HOXB4: variants seen among roughly 807,000 people sequenced by gnomAD.
The protein encoded by HOXB4 is homeobox protein Hox-B4.
In HOXB4, 13 loss-of-function variants were observed where a neutral mutation model predicts 20.0. The ratio of observed to expected loss-of-function variants is 0.65; its 90% CI spans 0.42 to 1.03. The LOEUF is 1.03. Ranked by LOEUF, HOXB4 falls within the 50% of genes least tolerant of loss-of-function variation. The probability of loss-of-function intolerance (pLI) is 0.00; values close to 1 mark genes in which losing one functional copy is unlikely to be tolerated. For synonymous variants in HOXB4, 173 were observed against 148.9 expected, an observed-to-expected ratio of 1.16 and a Z score of -1.18; for missense variants, 343 against 357.1, an observed-to-expected ratio of 0.96 and a Z score of 0.32.
Position 48,576,989 on chromosome 17 carries a change from C to A in HOXB4, c.489G>T (p.Lys163Asn). Residue 163 changes from lysine to asparagine, a missense_variant, in exon 2 of 2, where the codon AAG (lysine) becomes AAT (asparagine). By Grantham distance (94) the Lys-to-Asn change is moderately conservative. This residue lies in a region of HOXB4 where 54 missense variants were observed against 90.3 expected (regional missense o/e 0.60). Transcript: ENST00000332503. The part of the protein sequence containing the change: ...VNPNYAGGEP[K>N]RSRTAYTRQQ... ...GGCGCGTGTAGGCGGTCCGAGAGCGCTTGGGCTCCCCGCCGGCGTAATTGG... is the reference window on the plus strand; with the variant it reads ...GGCGCGTGTAGGCGGTCCGAGAGCGATTGGGCTCCCCGCCGGCGTAATTGG... The A allele has an allele frequency of 6.2e-7, 1 of 1,608,020 alleles. No homozygotes were observed. The highest frequency in any genetic ancestry group is 1.1e-5 in the South Asian group (1 of 90,936).
At position 48,578,123 on chromosome 17, in the gene HOXB4, G is replaced by A; in HGVS notation, c.197C>T (p.Ala66Val). 7.0e-7 allele frequency: 1 copy of A among 1,429,102 alleles called. No homozygotes were observed. Among genetic ancestry groups the A allele is most frequent in the Non-Finnish European group, 9.3e-7 (1 of 1,075,248 alleles). The allele number at this position is 1,429,102 out of a possible 1,614,324, so 88.5% of individuals were successfully genotyped here. The change falls in exon 1 of 2, where the codon GCG becomes GTG. Residue 66 changes from alanine to valine, a missense_variant. Physicochemically the swap from Ala to Val is moderately conservative, Grantham distance 64. Around this residue, in one of 3 missense-constraint regions of HOXB4, gnomAD observed 241 missense variants for 222.0 expected, o/e 1.09. Transcript: ENST00000332503. Reference protein sequence around the residue: ...RRAACTVQRYAACRDPGPPPP... With the variant: ...RRAACTVQRYVACRDPGPPPP... Reference sequence around the variant, plus strand: ...CGGGGGCCCAGGGTCCCGGCAGGCCGCGTAGCGCTGCACGGTGCACGCCGC... The same window carrying A: ...CGGGGGCCCAGGGTCCCGGCAGGCCACGTAGCGCTGCACGGTGCACGCCGC...
chr17:48,577,764 T>C (rs893266527), intron 1 of HOXB4, 99 bp downstream of exon 1: 15 of 1,096,524 alleles, frequency 1.4e-5, no homozygotes, highest in Admixed American at 8.0e-5. Flanking sequence ...CGGGGACAAT[T>C]GGCTTCCCCA....
rs2069750216 is a variant in HOXB4, at chr17:48,576,117, G to A, written c.*605C>T. 1 of 152,702 alleles carries A rather than the reference G, an allele frequency of 6.5e-6. No individual in the cohort carries two copies. The allele number at this position is 152,702 out of a possible 1,614,324, so 9.5% of individuals were successfully genotyped here. A position where few individuals can be genotyped will look rare whatever the true frequency, so the allele number is the denominator to read the frequency against. ...ACGAAAGATGAGGGAGAGTGTGTGT[G>A]TGTTACCGTGACCAAAACACTGCAC... On this transcript the variant is annotated 3_prime_UTR_variant, in exon 2 of 2. Coordinates refer to ENST00000332503, the MANE Select transcript of HOXB4 (RefSeq NM_024015.5).
In HOXB4 at chr17:48,577,872, C is replaced by T; in HGVS notation, c.448G>A (p.Val150Met). ...VVYPWMRKVH[V>M]STVNPNYAGG... ...GTGCCCACGCACTCACCCGTGCTCA[C>T]GTGAACTTTGCGCATCCAGGGGTAG... Residue 150 changes from valine (V) to methionine (M), a missense_variant, in exon 1 of 2, where the codon GTG (valine) becomes ATG (methionine). Val to Met is a conservative substitution (Grantham distance 21). Coordinates refer to ENST00000332503, the MANE Select transcript of HOXB4 (RefSeq NM_024015.5). 2.1e-6 allele frequency: 3 copies of T among 1,398,706 alleles called. No homozygotes were observed. Among genetic ancestry groups the T allele is most frequent in the South Asian group, 1.9e-5 (1 of 52,438 alleles). 86.6% of individuals were successfully genotyped at this position (1,398,706 alleles called of 1,614,324 possible).
chr17:48,576,454 GCTTT>G lies in HOXB4; in HGVS notation c.*264_*267del, dbSNP rs1053733828. The G allele has an allele frequency of 1.1e-5, 4 of 374,974 alleles. No individual in the cohort carries two copies. The highest frequency in any genetic ancestry group is 6.3e-5 in the African/African-American group (3 of 47,912). 23.2% of individuals were successfully genotyped at this position (374,974 alleles called of 1,614,324 possible). On this transcript the variant is annotated 3_prime_UTR_variant, in exon 2 of 2. Transcript: ENST00000332503. Reference sequence around the variant, plus strand: ...GTCTTTTTCTTTCTTCCTTCTTCTTGCTTTTTCTTTTTCTTTTTTTTAAGAAAGA... The same window carrying G: ...GTCTTTTTCTTTCTTCCTTCTTCTTGTTCTTTTTCTTTTTTTTAAGAAAGA...
Position 48,576,650 on chromosome 17 carries a change from T to TAC in HOXB4, c.*71_*72insGT. On this transcript the variant is annotated 3_prime_UTR_variant, in exon 2 of 2. Coordinates refer to ENST00000332503, the MANE Select transcript of HOXB4 (RefSeq NM_024015.5). ...GCCCAGGCCCCAGGGCCCCCTCCTGTCCCCCCACCCCATCCCCTGCACTCA... is the reference window on the plus strand; with the variant it reads ...GCCCAGGCCCCAGGGCCCCCTCCTGTACCCCCCCACCCCATCCCCTGCACTCA... 1 of 567,766 alleles carries TAC rather than the reference T, an allele frequency of 1.8e-6. No individual in the cohort carries two copies. Among genetic ancestry groups the TAC allele is most frequent in the Non-Finnish European group, 2.6e-6 (1 of 383,212 alleles). 35.2% of individuals were successfully genotyped at this position (567,766 alleles called of 1,614,324 possible).
Position 48,578,205 on chromosome 17 carries a change from C to T in HOXB4, c.115G>A (p.Ala39Thr). 1 of 1,613,634 alleles carries T rather than the reference C, an allele frequency of 6.2e-7. No homozygotes were observed. Among genetic ancestry groups the T allele is most frequent in the Non-Finnish European group, 8.5e-7 (1 of 1,179,822 alleles). ...CTGCTCTCTCGCCTCTGGCCGCCGG[C>T]GTAGTACCCGGGCGAGTGGTCGCTG... is the stretch of plus-strand genomic sequence containing the variant. ...LPSDHSPGYY[A>T]GGQRRESSFQ... The change falls in exon 1 of 2, where the codon GCC becomes ACC. Residue 39 changes from alanine (A) to threonine (T), a missense_variant. This residue lies in a region of HOXB4 where 241 missense variants were observed against 222.0 expected (regional missense o/e 1.09). Transcript: ENST00000332503.
At chr17:48,577,070 AAG>A (rs2069789796) in intron 1 of HOXB4, 50 bp from the exon 2 acceptor site, 10 of 1,492,424 alleles carry the variant, frequency 6.7e-6, no homozygotes, top group Non-Finnish European at 9.0e-6. Flanking sequence ...TTGCCCCCGA[AAG>A]AGAGAGTCCT....
Position 48,576,623 on chromosome 17 carries a change from G to C in HOXB4, c.*99C>G. The C allele has an allele frequency of 8.8e-7, 1 of 1,133,036 alleles. No homozygotes were observed. The highest frequency in any genetic ancestry group is 1.2e-6 in the Non-Finnish European group (1 of 826,454). The allele number at this position is 1,133,036 out of a possible 1,614,324, so 70.2% of individuals were successfully genotyped here. ...GGGGGAGGGCAGATAGATTTTTCCG[G>C]GGCCCAGGCCCCAGGGCCCCCTCCT... On this transcript the variant is annotated 3_prime_UTR_variant, in exon 2 of 2. Coordinates refer to ENST00000332503, the MANE Select transcript of HOXB4 (RefSeq NM_024015.5).
Position 48,576,797 on chromosome 17 carries a change from C to A in HOXB4, c.681G>T (p.Lys227Asn). 1 of 1,614,246 alleles carries A rather than the reference C, an allele frequency of 6.2e-7. No homozygotes were observed. Among genetic ancestry groups the A allele is most frequent in the Non-Finnish European group, 8.5e-7 (1 of 1,180,034 alleles). ...WKKDHKLPNT[K>N]IRSGGAAGSA... ...AGCCTGCCGCACCACCCGAGCGGAT[C>A]TTGGTGTTGGGCAACTTGTGGTCTT... is the stretch of plus-strand genomic sequence containing the variant. Residue 227 changes from lysine to asparagine, a missense_variant, in exon 2 of 2, where the codon AAG becomes AAT. Around this residue, in one of 3 missense-constraint regions of HOXB4, gnomAD observed 48 missense variants for 44.8 expected, o/e 1.07. Transcript: ENST00000332503.
In HOXB4 at chr17:48,576,650, T is replaced by TGGCCCC; in HGVS notation, c.*71_*72insGGGGCC. ...GCCCAGGCCCCAGGGCCCCCTCCTGTCCCCCCACCCCATCCCCTGCACTCA... is the reference window on the plus strand; with the variant it reads ...GCCCAGGCCCCAGGGCCCCCTCCTGTGGCCCCCCCCCCACCCCATCCCCTGCACTCA... On this transcript the variant is annotated 3_prime_UTR_variant, in exon 2 of 2. Coordinates refer to ENST00000332503, the MANE Select transcript of HOXB4 (RefSeq NM_024015.5). 1.8e-6 allele frequency: 1 copy of TGGCCCC among 567,770 alleles called. No individual in the cohort carries two copies. 35.2% of individuals were successfully genotyped at this position (567,770 alleles called of 1,614,324 possible). A position where few individuals can be genotyped will look rare whatever the true frequency, so the allele number is the denominator to read the frequency against.
rs777558289 is a variant in HOXB4 at position 48,576,912 on chromosome 17, C to T, written c.566G>A (p.Arg189Gln). The T allele has an allele frequency of 3.7e-6, 6 of 1,614,118 alleles. No individual in the cohort carries two copies. Among genetic ancestry groups the T allele is most frequent in the Non-Finnish European group, 1.7e-6 (2 of 1,180,048 alleles). Residue 189 changes from arginine to glutamine, a missense_variant, in exon 2 of 2, where the codon CGG becomes CAG. Arg to Gln is a conservative substitution (Grantham distance 43). Coordinates refer to ENST00000332503, the MANE Select transcript of HOXB4 (RefSeq NM_024015.5). The part of the protein sequence containing the change: ...KEFHYNRYLT[R>Q]RRRVEIAHAL... The stretch of plus-strand genomic sequence containing the variant: ...GTGGGCGATCTCCACCCTCCGGCGC[C>T]GTGTCAGGTAGCGGTTGTAGTGAAA...
Position 48,577,883 on chromosome 17 carries a change from C to T in HOXB4, c.437G>A (p.Arg146His). 3 of 1,391,872 alleles carry T rather than the reference C, an allele frequency of 2.2e-6. No homozygotes were observed. The highest frequency in any genetic ancestry group is 9.4e-7 in the Non-Finnish European group (1 of 1,067,468). The allele number at this position is 1,391,872 out of a possible 1,614,324, so 86.2% of individuals were successfully genotyped here. ...CKEPVVYPWM[R>H]KVHVSTVNPN... ...CTCACCCGTGCTCACGTGAACTTTG[C>T]GCATCCAGGGGTAGACGACGGGCTC... is the stretch of plus-strand genomic sequence containing the variant. The change falls in exon 1 of 2, where the codon CGC (arginine) becomes CAC (histidine). Residue 146 changes from arginine to histidine, a missense_variant. Arg to His is a conservative substitution (Grantham distance 29). Transcript: ENST00000332503.
chr17:48,576,750 C>G lies in HOXB4; in HGVS notation c.728G>C (p.Arg243Pro), dbSNP rs149049923. The stretch of plus-strand genomic sequence containing the variant: ...GAGCGCGCGGGGGCCTCCATTGGGC[C>G]GGCCAGGGGGCCCTCCGGCTGAGCC... ...AAGSAGGPPG[R>P]PNGGPRAL The change falls in exon 2 of 2, where the codon CGG becomes CCG. Residue 243 changes from arginine (R) to proline (P), a missense_variant. This residue lies in a region of HOXB4 where 48 missense variants were observed against 44.8 expected (regional missense o/e 1.07). Coordinates refer to ENST00000332503, the MANE Select transcript of HOXB4 (RefSeq NM_024015.5). 2.4e-5 allele frequency: 39 copies of G among 1,612,522 alleles called. No homozygotes were observed. In the East Asian group the frequency reaches 7.1e-4, roughly 30 times the overall value.
At position 48,576,837 on chromosome 17, in the gene HOXB4, C is replaced by A. The variant is rs2069780696; in HGVS notation, c.641G>T (p.Arg214Leu). 12 of 1,614,254 alleles carry A rather than the reference C, an allele frequency of 7.4e-6. No homozygotes were observed. Among genetic ancestry groups the A allele is most frequent in the African/African-American group, 1.3e-5 (1 of 75,078 alleles). ...CTTGTGGTCTTTTTTCCACTTCATGCGCCGGTTCTGGAACCAGATCTTGAT... is the reference window on the plus strand; with the variant it reads ...CTTGTGGTCTTTTTTCCACTTCATGAGCCGGTTCTGGAACCAGATCTTGAT... ...RQIKIWFQNRRMKWKKDHKLP... is the reference protein window; with the variant it reads ...RQIKIWFQNRLMKWKKDHKLP... Residue 214 changes from arginine (R) to leucine (L), a missense_variant, in exon 2 of 2, where the codon CGC (arginine) becomes CTC (leucine). Coordinates refer to ENST00000332503, the MANE Select transcript of HOXB4 (RefSeq NM_024015.5).
chr17:48,577,744 G>A (rs2069812170), intron 1 of HOXB4, 119 bp downstream of exon 1: 1 of 893,218 alleles, frequency 1.1e-6, no homozygotes, highest in South Asian at 4.9e-5. Context: ...CGGCAATGGC[G>A]AGTTTATAGC....
intron 1 of HOXB4, 146 bp from the exon 2 acceptor site, chr17:48,577,166 A>G: frequency 1.2e-6 from 1 of 808,408 alleles, no homozygotes; most frequent in Non-Finnish European, 1.9e-6. Context: ...AAAAACGAAA[A>G]GGGAAGAATG....
Position 48,577,920 on chromosome 17 carries a change from A to T in HOXB4, c.400T>A (p.Ser134Thr), listed in dbSNP as rs757646666. ...QNPLHPSPSHSACKEPVVYPW... is the reference protein window; with the variant it reads ...QNPLHPSPSHTACKEPVVYPW... ...TAGACGACGGGCTCTTTGCACGCGG[A>T]GTGGGACGGGCTGGGGTGCAGGGGG... is the stretch of plus-strand genomic sequence containing the variant. Residue 134 changes from serine (S) to threonine (T), a missense_variant, in exon 1 of 2, where the codon TCC becomes ACC. By Grantham distance (58) the Ser-to-Thr change is moderately conservative. Around this residue, in one of 3 missense-constraint regions of HOXB4, gnomAD observed 241 missense variants for 222.0 expected, o/e 1.09. Coordinates refer to ENST00000332503, the MANE Select transcript of HOXB4 (RefSeq NM_024015.5). 3.6e-6 allele frequency: 5 copies of T among 1,371,446 alleles called. No individual in the cohort carries two copies. In the Admixed American group the frequency reaches 1.5e-4, roughly 41 times the overall value. The allele number at this position is 1,371,446 out of a possible 1,614,324, so 85.0% of individuals were successfully genotyped here.
rs750928177 is a variant in HOXB4, at chr17:48,578,158, G to A, written c.162C>T (p.Phe54=). ...RESSFQPEAG[F]GRRAACTVQR... ...GCACGGTGCACGCCGCGCGCCGCCC[G>A]AAGCCCGCCTCCGGCTGGAAGCTGC... The change falls in exon 1 of 2, where the codon TTC becomes TTT. Residue 54 remains phenylalanine, a synonymous_variant. Coordinates refer to ENST00000332503, the MANE Select transcript of HOXB4 (RefSeq NM_024015.5). 1.9e-6 allele frequency: 3 copies of A among 1,601,146 alleles called. No individual in the cohort carries two copies. The highest frequency in any genetic ancestry group is 2.6e-6 in the Non-Finnish European group (3 of 1,172,550).
Sources: gnomAD v4.1 joint callset for allele counts on GRCh38, gnomAD v4.1.1 for gene constraint, gnomAD v4.1.1 regional missense constraint, MANE v1.5 for transcripts, NCBI Gene and HGNC (gene_info 2026-07-23, HGNC 2026-07-21) for gene names.